Variants in SEMA5A observed in about 807,000 individuals in gnomAD.
SEMA5A encodes semaphorin 5A, also known as semaphorin-5A.
In SEMA5A, 55 loss-of-function variants were observed where a neutral mutation model predicts 135.5. The ratio of observed to expected loss-of-function variants is 0.41; its 90% CI spans 0.33 to 0.51. The LOEUF is 0.51. SEMA5A is among the 20% of genes least tolerant of loss of function. The pLI, the probability that SEMA5A is intolerant of heterozygous loss-of-function variation, is 0.37. For missense variants in SEMA5A, 1,290 were observed against 1,419.9 expected (o/e 0.91, Z 1.47); for synonymous variants, 580 against 546.5 (o/e 1.06, Z -0.85).
chr5:9,376,927 A>C (rs1267536906), intron 3 of SEMA5A, among the ~76,000 whole-genome samples: 1 of 152,140 alleles, frequency 6.6e-6, no homozygotes, highest in Admixed American at 6.5e-5. Flanking sequence ...CAGAAATCCC[A>C]ATTCGAATAA....
intron 3 of SEMA5A, among the ~76,000 whole-genome samples, chr5:9,362,675 C>T (rs915445996): frequency 2.0e-5 from 3 of 152,068 alleles, no homozygotes; most frequent in Non-Finnish European, 4.4e-5. Context: ...TATGAAAACC[C>T]GAGTGAACAC....
chr5:9,202,136 C>G lies in SEMA5A; in HGVS notation c.751G>C (p.Ala251Pro). 6.2e-7 allele frequency: 1 copy of G among 1,614,196 alleles called. No homozygotes were observed. Among genetic ancestry groups the G allele is most frequent in the Non-Finnish European group, 8.5e-7 (1 of 1,180,034 alleles). ...CCAATATCGTTCTTGCACACCCGGGCAGCTCTGGAGAACACTGTTTTCCCA... is the reference window on the plus strand; with the variant it reads ...CCAATATCGTTCTTGCACACCCGGGGAGCTCTGGAGAACACTGTTTTCCCA... ...DCGKTVFSRAARVCKNDIGGR... is the reference protein window; with the variant it reads ...DCGKTVFSRAPRVCKNDIGGR... The change falls in exon 9 of 23, where the codon GCC becomes CCC. Residue 251 changes from alanine to proline, a missense_variant. Ala to Pro is a conservative substitution (Grantham distance 27). Transcript: ENST00000382496.
chr5:9,510,269 C>T (rs1736133716), intron 1 of SEMA5A, among the ~76,000 whole-genome samples: 1 of 152,112 alleles, frequency 6.6e-6, no homozygotes, highest in African/African-American at 2.4e-5. Context: ...TCACAGCACA[C>T]CAAGCACTGT....
chr5:9,493,454 A>C (rs1735142503), intron 1 of SEMA5A, among the ~76,000 whole-genome samples: 1 of 152,012 alleles, frequency 6.6e-6, no homozygotes, highest in Admixed American at 6.6e-5. Context: ...CTCCTCAAGA[A>C]TGATGCCCGG....
intron 5 of SEMA5A, among the ~76,000 whole-genome samples, chr5:9,240,864 A>T (rs1348851333): frequency 6.6e-6 from 1 of 152,054 alleles, no homozygotes; most frequent in Non-Finnish European, 1.5e-5. Context: ...ACTAACCCAA[A>T]CCTATCTTTA....
chr5:9,310,360 A>G (rs982498223), intron 5 of SEMA5A, among the ~76,000 whole-genome samples: 1 of 152,170 alleles, frequency 6.6e-6, no homozygotes. Flanking sequence ...ACTATGATCA[A>G]CATACCTTAG....
intron 9 of SEMA5A, among the ~76,000 whole-genome samples, chr5:9,199,503 C>T (rs1318914839): frequency 3.9e-5 from 6 of 152,128 alleles, no homozygotes; most frequent in East Asian, 1.9e-4. Flanking sequence ...TGTGGGCAGG[C>T]GAGGGCAGCC....
chr5:9,286,295 A>G (rs1289426838), intron 5 of SEMA5A, among the ~76,000 whole-genome samples: 1 of 152,164 alleles, frequency 6.6e-6, no homozygotes, highest in Non-Finnish European at 1.5e-5. Flanking sequence ...CTTTTAACTG[A>G]TTTTAACAAC....
At chr5:9,355,859 A>G (rs1043423718) in intron 3 of SEMA5A, among the ~76,000 whole-genome samples, 3 of 152,208 alleles carry the variant, frequency 2.0e-5, no homozygotes, top group Non-Finnish European at 4.4e-5. Flanking sequence ...ATGAATGAAT[A>G]AAGCCCACAT....
chr5:9,236,986 A>T (rs879350249), intron 6 of SEMA5A, among the ~76,000 whole-genome samples: 29 of 152,278 alleles, frequency 1.9e-4, no homozygotes, highest in Non-Finnish European at 3.7e-4. Context: ...TGCTCTCTGC[A>T]TTTGCTATAT....
chr5:9,490,307 T>C (rs3777359), intron 1 of SEMA5A, among the ~76,000 whole-genome samples: 9,350 of 152,266 alleles, frequency 0.061, 375 homozygotes, highest in South Asian at 0.099. Flanking sequence ...TTATTTAAAC[T>C]GACACAAGCT....
At chr5:9,436,486 C>T (rs144668816) in intron 2 of SEMA5A, among the ~76,000 whole-genome samples, 64 of 152,308 alleles carry the variant, frequency 4.2e-4, no homozygotes, top group Non-Finnish European at 7.3e-4. Context: ...CACATCTATA[C>T]AGAGGGCCCA....
chr5:9,451,614 T>C (rs1758647842), intron 1 of SEMA5A, among the ~76,000 whole-genome samples: 1 of 152,164 alleles, frequency 6.6e-6, no homozygotes, highest in African/African-American at 2.4e-5. Flanking sequence ...AATATGGTGG[T>C]TATTGCTATT....
chr5:9,272,384 C>T (rs1371065965), intron 5 of SEMA5A, among the ~76,000 whole-genome samples: 1 of 152,150 alleles, frequency 6.6e-6, no homozygotes, highest in Non-Finnish European at 1.5e-5. Context: ...AGATAAAACC[C>T]CCACCTCCCT....
At chr5:9,523,041 C>T (rs1436037097) in intron 1 of SEMA5A, 1 of 152,174 alleles carries the variant, frequency 6.6e-6, no homozygotes, top group African/African-American at 2.4e-5. Flanking sequence ...TTCATGTACA[C>T]AGCTAATAAG....
chr5:9,110,041 T>C (rs1740156503), intron 15 of SEMA5A, among the ~76,000 whole-genome samples: 1 of 152,048 alleles, frequency 6.6e-6, no homozygotes, highest in Admixed American at 6.6e-5. Context: ...TGAGGGGTGC[T>C]GACGGGATGA....
chr5:9,158,944 C>CCAATTT (rs70943943), intron 11 of SEMA5A, among the ~76,000 whole-genome samples: 83,286 of 151,460 alleles, frequency 0.55, 25,570 homozygotes, highest in Middle Eastern at 0.75. Context: ...ATACAGGCTG[C>CCAATTT]CAATTTGAAT....
intron 2 of SEMA5A, among the ~76,000 whole-genome samples, chr5:9,408,003 C>CATCA (rs1756957157): frequency 1.3e-5 from 2 of 150,608 alleles, no homozygotes; most frequent in Non-Finnish European, 3.0e-5. Context: ...CCATCATCAC[C>CATCA]ATCACTACCA....
At chr5:9,441,804 T>C (rs1373690434) in intron 1 of SEMA5A, among the ~76,000 whole-genome samples, 1 of 152,128 alleles carries the variant, frequency 6.6e-6, no homozygotes, top group East Asian at 1.9e-4. Context: ...TGCAAGAGCA[T>C]GGAGAGCTCA....
Sources: gnomAD v4.1 joint callset for allele counts (sites outside exome capture counted in the v4.1 genomes callset) on GRCh38, gnomAD v4.1.1 for gene constraint, MANE v1.5 for transcripts, NCBI Gene and HGNC (gene_info 2026-07-23, HGNC 2026-07-21) for gene names.